The following TRIM21 variants were observed in gnomAD, a reference collection of about 807,000 sequenced individuals.
TRIM21 encodes E3 ubiquitin-protein ligase TRIM21.
In TRIM21, 35 loss-of-function variants were observed where a neutral mutation model predicts 36.1. The observed-to-expected ratio is 0.97, with a 90% CI of 0.74 to 1.28. The LOEUF (loss-of-function observed/expected upper bound fraction) is 1.28, where lower values mean the gene tolerates loss of function less well. Ranked by LOEUF, TRIM21 falls within the 50% of genes most tolerant of loss-of-function variation. TRIM21 has a pLI of 0.00. For missense variants in TRIM21, 635 were observed against 570.7 expected (o/e 1.11, Z -1.15); for synonymous variants, 256 against 211.5 (o/e 1.21, Z -1.83).
chr11:4,389,931 A>G (rs980695654), intron 2 of TRIM21, 71 bp downstream of exon 2: 31 of 1,572,242 alleles, frequency 2.0e-5, no homozygotes, highest in East Asian at 4.5e-5. Context: ...AACCCCTCCA[A>G]TCCAGAGGTG....
intron 6 of TRIM21, 120 bp from the exon 7 acceptor site, chr11:4,385,973 A>G: frequency 8.7e-7 from 1 of 1,152,182 alleles, no homozygotes; most frequent in South Asian, 1.6e-5. Flanking sequence ...TCCCTGTGTG[A>G]GGAAATGACC....
intron 6 of TRIM21, 59 bp from the exon 7 acceptor site, chr11:4,385,912 T>C (rs2094955806): frequency 7.3e-7 from 1 of 1,370,632 alleles, no homozygotes; most frequent in African/African-American, 1.4e-5. Flanking sequence ...AGTCTGTGCC[T>C]GTGGTGGGGG....
At chr11:4,392,767 A>G (rs893680663) in intron 1 of TRIM21, among the ~76,000 whole-genome samples, 1 of 152,098 alleles carries the variant, frequency 6.6e-6, no homozygotes, top group African/African-American at 2.4e-5. Context: ...GGGAATGAAA[A>G]TTGGCAAGAA....
Position 4,390,197 on chromosome 11 carries a change from GT to G in TRIM21, c.212del (p.Asn71ThrfsTer3). 1 of 1,614,024 alleles carries G rather than the reference GT, an allele frequency of 6.2e-7. No individual in the cohort carries two copies. The highest frequency in any genetic ancestry group is 8.5e-7 in the Non-Finnish European group (1 of 1,179,898). On this transcript the variant is annotated frameshift_variant, in exon 2 of 7. Transcript: ENST00000254436. LOFTEE classifies it high-confidence loss of function. The stretch of plus-strand genomic sequence containing the variant: ...TGATTTCTTTAAGGTTGTTCACCAT[GT>G]TGGCTAGCTGTCGATTGGGCCGGAG... ...KNLRPNRQLA[N>X]MVNNLKEISQ...
At chr11:4,392,818 T>C (rs577400147) in intron 1 of TRIM21, among the ~76,000 whole-genome samples, 1 of 152,232 alleles carries the variant, frequency 6.6e-6, no homozygotes, top group Admixed American at 6.5e-5. Context: ...ATCATGTCCA[T>C]TCCTGCTTAA....
chr11:4,391,225 T>C (rs544981870), intron 1 of TRIM21, among the ~76,000 whole-genome samples: 3 of 151,874 alleles, frequency 2.0e-5, no homozygotes, highest in Non-Finnish European at 4.4e-5. Flanking sequence ...AACAACTCTA[T>C]AGGAAAAAAA....
chr11:4,384,977 G>A lies in TRIM21; in HGVS notation c.*308C>T. On this transcript the variant is annotated 3_prime_UTR_variant, in exon 7 of 7. Transcript: ENST00000254436. Reference sequence around the variant, plus strand: ...AAGATATAATAGAGATCTCACCAAAGACGACATCCTAGAGATGGAGAGGAG... The same window carrying A: ...AAGATATAATAGAGATCTCACCAAAAACGACATCCTAGAGATGGAGAGGAG... The A allele has an allele frequency of 3.1e-6, 1 of 324,212 alleles. No individual in the cohort carries two copies. Among genetic ancestry groups the A allele is most frequent in the East Asian group, 5.6e-5 (1 of 17,760 alleles). The allele number at this position is 324,212 out of a possible 1,614,324, so 20.1% of individuals were successfully genotyped here. A position where few individuals can be genotyped will look rare whatever the true frequency, so the allele number is the denominator to read the frequency against.
chr11:4,386,964 T>C lies in TRIM21; in HGVS notation c.758+4A>G. ...CTCTTCTAACAAAGAAAACTCCTCCTTACCTTTCCAGGACAATTATCACCT... is the reference window on the plus strand; with the variant it reads ...CTCTTCTAACAAAGAAAACTCCTCCCTACCTTTCCAGGACAATTATCACCT... On this transcript the variant is annotated splice_donor_region_variant and intron_variant, in intron 5 of 6. Transcript: ENST00000254436. The C allele has an allele frequency of 6.3e-7, 1 of 1,583,654 alleles. No homozygotes were observed. Among genetic ancestry groups the C allele is most frequent in the Non-Finnish European group, 8.6e-7 (1 of 1,163,430 alleles).
In TRIM21 at chr11:4,385,532, G is replaced by A; in HGVS notation, c.1181C>T (p.Pro394Leu). Residue 394 changes from proline to leucine, a missense_variant, in exon 7 of 7, where the codon CCC becomes CTC. Coordinates refer to ENST00000254436, the MANE Select transcript of TRIM21 (RefSeq NM_003141.4). The stretch of plus-strand genomic sequence containing the variant: ...CACCTGAAGGTGGAGGGGAGTCTGG[G>A]GGTAGGTGCCAGCCTCATATTTTTG... ...NKQKYEAGTY[P>L]QTPLHLQVPP... is the part of the protein sequence containing the mutation. The A allele has an allele frequency of 6.2e-7, 1 of 1,611,934 alleles. No individual in the cohort carries two copies. Among genetic ancestry groups the A allele is most frequent in the Non-Finnish European group, 8.5e-7 (1 of 1,179,030 alleles).
At chr11:4,386,376 G>A in intron 5 of TRIM21, 119 bp from the exon 6 acceptor site, 2 of 858,152 alleles carry the variant, frequency 2.3e-6, no homozygotes, top group South Asian at 2.9e-5. Flanking sequence ...AAAGACCTCT[G>A]GTGTTCAAGT....
rs752471644 is a variant in TRIM21 at position 4,386,270 on chromosome 11, G to C, written c.759-13C>G. On this transcript the variant is annotated splice_polypyrimidine_tract_variant and intron_variant, in intron 5 of 6. Coordinates refer to ENST00000254436, the MANE Select transcript of TRIM21 (RefSeq NM_003141.4). Reference sequence around the variant, plus strand: ...CCAGGACTCACTCCTGGGGGAAAGAGAGTTTGAGACTCCTGTCTCCTACTC... The same window carrying C: ...CCAGGACTCACTCCTGGGGGAAAGACAGTTTGAGACTCCTGTCTCCTACTC... The C allele has an allele frequency of 6.2e-7, 1 of 1,608,004 alleles. No homozygotes were observed. The highest frequency in any genetic ancestry group is 1.7e-5 in the Admixed American group (1 of 59,962).
intron 4 of TRIM21, among the ~76,000 whole-genome samples, chr11:4,387,267 C>CA (rs2094957280): frequency 7.2e-6 from 1 of 138,378 alleles, no homozygotes; most frequent in African/African-American, 2.8e-5. Flanking sequence ...TTTTTTTTTC[C>CA]CCAGGGGAGA....
At chr11:4,391,784 T>C (rs2094963283) in intron 1 of TRIM21, among the ~76,000 whole-genome samples, 1 of 152,190 alleles carries the variant, frequency 6.6e-6, no homozygotes, top group Admixed American at 6.5e-5. Context: ...ACAACATGAA[T>C]GGAACTGGAG....
In TRIM21 at chr11:4,389,597, A is replaced by G. The variant is rs2094960248; in HGVS notation, c.504+57T>C. 10 of 1,447,980 alleles carry G rather than the reference A, an allele frequency of 6.9e-6. No homozygotes were observed. The South Asian group carries it at 1.0e-4, about 15-fold the overall frequency. The allele number at this position is 1,447,980 out of a possible 1,614,324, so 89.7% of individuals were successfully genotyped here. On this transcript the variant is annotated intron_variant, in intron 3 of 6. Transcript: ENST00000254436. ...CTACGGTTAAGGCTGTGAGTTGAGG[A>G]CTCTGGACCCTGCCCAGCCTTCCAG...
At chr11:4,386,413 C>G in intron 5 of TRIM21, 156 bp from the exon 6 acceptor site, 1 of 707,564 alleles carries the variant, frequency 1.4e-6, no homozygotes, top group Non-Finnish European at 2.5e-6. Flanking sequence ...GAGAGGCAAA[C>G]AATGCAGGAT....
Position 4,385,602 on chromosome 11 carries a change from G to T in TRIM21, c.1111C>A (p.Leu371Ile). ...GTCCAGAAGCCACTCTTGGAACTAA[G>T]CAAAAAGTGCCCCTTCCTGCGCACA... is the stretch of plus-strand genomic sequence containing the variant. The part of the protein sequence containing the change: ...DSVRRKGHFL[L>I]SSKSGFWTIW... Residue 371 changes from leucine (L) to isoleucine (I), a missense_variant, in exon 7 of 7, where the codon CTT (leucine) becomes ATT (isoleucine). Physicochemically the swap from Leu to Ile is conservative, Grantham distance 5. Coordinates refer to ENST00000254436, the MANE Select transcript of TRIM21 (RefSeq NM_003141.4). The T allele has an allele frequency of 1.9e-6, 3 of 1,612,908 alleles. No individual in the cohort carries two copies. The highest frequency in any genetic ancestry group is 2.5e-6 in the Non-Finnish European group (3 of 1,179,458).
At position 4,393,681 on chromosome 11, in the gene TRIM21, G is replaced by T. The variant is rs1242586868; in HGVS notation, c.-98C>A. On this transcript the variant is annotated 5_prime_UTR_variant, in exon 1 of 7. It adds an upstream start codon to the 5' untranslated region. Coordinates refer to ENST00000254436, the MANE Select transcript of TRIM21 (RefSeq NM_003141.4). Reference sequence around the variant, plus strand: ...TAGCCAGCTCCCTATTTCACTTTCAGTTTCCGCTCAGAAGCAAGTCTGAGA... The same window carrying T: ...TAGCCAGCTCCCTATTTCACTTTCATTTTCCGCTCAGAAGCAAGTCTGAGA... 1 of 152,450 alleles carries T rather than the reference G, an allele frequency of 6.6e-6. No homozygotes were observed. The highest frequency in any genetic ancestry group is 2.4e-5 in the African/African-American group (1 of 41,436). 9.4% of individuals were successfully genotyped at this position (152,450 alleles called of 1,614,324 possible).
In TRIM21 at chr11:4,385,350, T is replaced by C. The variant is rs147945907; in HGVS notation, c.1363A>G (p.Lys455Glu). ...FFSPGFNDGG[K>E]NTAPLTLCPL... ...CAGAGGGTTAGAGGGGCTGTGTTTT[T>C]TCCTCCATCATTGAAACCAGGACTG... Residue 455 changes from lysine (K) to glutamate (E), a missense_variant, in exon 7 of 7, where the codon AAA becomes GAA. Transcript: ENST00000254436. 2.4e-4 allele frequency: 390 copies of C among 1,613,750 alleles called. 2 individuals are homozygous for C. The Middle Eastern group carries it at 6.8e-3, about 28-fold the overall frequency.
intron 5 of TRIM21, 153 bp from the exon 6 acceptor site, chr11:4,386,410 A>C (rs1489719491): frequency 1.4e-6 from 1 of 714,376 alleles, no homozygotes; most frequent in East Asian, 2.7e-5. Context: ...TGTGAGAGGC[A>C]AACAATGCAG....
Sources: gnomAD v4.1 joint callset for allele counts (sites outside exome capture counted in the v4.1 genomes callset) on GRCh38, gnomAD v4.1.1 for gene constraint, MANE v1.5 for transcripts, NCBI Gene and HGNC (gene_info 2026-07-23, HGNC 2026-07-21) for gene names.